CD38: variants seen among roughly 807,000 people sequenced by gnomAD.
The protein encoded by CD38 is CD38 molecule.
Under a neutral mutation model 36.3 loss-of-function variants are expected in CD38, and 31 were observed. The observed-to-expected ratio is 0.85, with a 90% CI of 0.64 to 1.15. The LOEUF is 1.15. Among genes scored for constraint, CD38 ranks in the 50% most tolerant of loss-of-function variants. CD38 has a pLI of 0.00. For missense variants in CD38, 380 were observed against 371.9 expected (o/e 1.02, Z -0.18); for synonymous variants, 131 against 135.2 (o/e 0.97, Z 0.22).
At chr4:15,816,704 G>T (rs776873284) in intron 2 of CD38, 64 bp downstream of exon 2, 3 of 1,547,682 alleles carry the variant, frequency 1.9e-6, no homozygotes, top group Non-Finnish European at 2.7e-6. Context: ...CAATTCATAG[G>T]TCCAAATTTT....
At chr4:15,786,182 T>G (rs769188062) in intron 1 of CD38, among the ~76,000 whole-genome samples, 3 of 152,152 alleles carry the variant, frequency 2.0e-5, no homozygotes, top group African/African-American at 7.2e-5. Context: ...GCTTCCCCAG[T>G]GTAGAAGTGT....
At chr4:15,787,484 A>G (rs1337928081) in intron 1 of CD38, among the ~76,000 whole-genome samples, 1 of 152,184 alleles carries the variant, frequency 6.6e-6, no homozygotes, top group Non-Finnish European at 1.5e-5. Flanking sequence ...GCACAGGGAT[A>G]CTTGCAGGGA....
At chr4:15,841,431 C>T (rs1724203255) in intron 7 of CD38, among the ~76,000 whole-genome samples, 2 of 152,218 alleles carry the variant, frequency 1.3e-5, no homozygotes, top group Admixed American at 1.3e-4. Flanking sequence ...CTGAATTCCC[C>T]ATGAGTCACC....
At chr4:15,785,550 T>TTTTTTA (rs1560305389) in intron 1 of CD38, among the ~76,000 whole-genome samples, 7 of 152,070 alleles carry the variant, frequency 4.6e-5, no homozygotes, top group African/African-American at 1.2e-4. Context: ...TTTTTTTTTT[T>TTTTTTA]ATCACAATAA....
At chr4:15,841,840 C>T (rs1344829250) in intron 7 of CD38, among the ~76,000 whole-genome samples, 4 of 129,998 alleles carry the variant, frequency 3.1e-5, no homozygotes, top group East Asian at 4.3e-4. Context: ...CCGAATATTG[C>T]GCTTTTCAGA....
chr4:15,813,693 G>A (rs891093217), intron 1 of CD38, among the ~76,000 whole-genome samples: 11 of 152,232 alleles, frequency 7.2e-5, no homozygotes, highest in Admixed American at 6.5e-4. Flanking sequence ...GTGAGAAGAC[G>A]TGGTGTCTGG....
intron 1 of CD38, among the ~76,000 whole-genome samples, chr4:15,806,963 G>A (rs1723355521): frequency 6.6e-6 from 1 of 152,142 alleles, no homozygotes; most frequent in African/African-American, 2.4e-5. Context: ...CAGTCCAATT[G>A]TCATAATCCC....
chr4:15,812,938 A>G (rs1238941236), intron 1 of CD38, among the ~76,000 whole-genome samples: 1 of 152,172 alleles, frequency 6.6e-6, no homozygotes, highest in African/African-American at 2.4e-5. Context: ...CATTGATAGT[A>G]TACAATTGAT....
chr4:15,813,860 T>A (rs1243403144), intron 1 of CD38, among the ~76,000 whole-genome samples: 1 of 152,246 alleles, frequency 6.6e-6, no homozygotes, highest in Non-Finnish European at 1.5e-5. Context: ...TATGGGCATT[T>A]GGGTTGGCTC....
At chr4:15,830,658 T>A (rs954858281) in intron 3 of CD38, among the ~76,000 whole-genome samples, 1 of 152,126 alleles carries the variant, frequency 6.6e-6, no homozygotes, top group African/African-American at 2.4e-5. Flanking sequence ...GCTCAATAAT[T>A]TTTTTTGCCC....
chr4:15,851,913 C>G lies in CD38; in HGVS notation c.*3311C>G, dbSNP rs1326523259. On this transcript the variant is annotated 3_prime_UTR_variant, in exon 8 of 8. Coordinates refer to ENST00000226279, the MANE Select transcript of CD38 (RefSeq NM_001775.4). ...GTACAGCGTGTGTCTGTACTAAATGCTGTGGGCAATTTTAACCTGATGGTA... is the reference window on the plus strand; with the variant it reads ...GTACAGCGTGTGTCTGTACTAAATGGTGTGGGCAATTTTAACCTGATGGTA... 1 of 152,174 alleles carries G rather than the reference C, an allele frequency of 6.6e-6. No individual in the cohort carries two copies. The highest frequency in any genetic ancestry group is 1.5e-5 in the Non-Finnish European group (1 of 68,030). The allele number at this position is 152,174 out of a possible 1,614,324, so 9.4% of individuals were successfully genotyped here. A position where few individuals can be genotyped will look rare whatever the true frequency, so the allele number is the denominator to read the frequency against.
At chr4:15,838,780 C>G (rs1385005526) in intron 5 of CD38, among the ~76,000 whole-genome samples, 5 of 152,132 alleles carry the variant, frequency 3.3e-5, no homozygotes, top group African/African-American at 1.2e-4. Flanking sequence ...CCTCTGTGAG[C>G]CCCTGAATAT....
Position 15,821,693 on chromosome 4 carries a change from CCA to C in CD38, c.364-3187_364-3186del, listed in dbSNP as rs148557246. 9.1e-3 allele frequency among the ~76,000 whole-genome samples: 967 copies of C among 106,684 alleles called. 11 individuals are homozygous for C. The highest frequency in any genetic ancestry group is 0.043 in the African/African-American group (912 of 21,112). 70.0% of individuals were successfully genotyped at this position (106,684 alleles called of 152,430 possible). A position where few individuals can be genotyped will look rare whatever the true frequency, so the allele number is the denominator to read the frequency against. ...TAATTGAGGCAGTAATAAATACCAA[CCA>C]AAAAAAAAAAAAAAAAAGCCCAGGA... is the stretch of plus-strand genomic sequence containing the variant. On this transcript the variant is annotated intron_variant, in intron 2 of 7. Coordinates refer to ENST00000226279, the MANE Select transcript of CD38 (RefSeq NM_001775.4).
chr4:15,784,799 T>C (rs1272412385), intron 1 of CD38, among the ~76,000 whole-genome samples: 6 of 152,164 alleles, frequency 3.9e-5, no homozygotes, highest in African/African-American at 1.4e-4. Flanking sequence ...GGCTCACACC[T>C]GTAATCCCAG....
At chr4:15,828,044 T>C (rs1723886246) in intron 3 of CD38, among the ~76,000 whole-genome samples, 1 of 152,242 alleles carries the variant, frequency 6.6e-6, no homozygotes, top group Non-Finnish European at 1.5e-5. Flanking sequence ...AGACAGGGTC[T>C]CACTCTGTCA....
At chr4:15,792,233 C>T (rs1723015028) in intron 1 of CD38, among the ~76,000 whole-genome samples, 2 of 106,846 alleles carry the variant, frequency 1.9e-5, no homozygotes, top group Non-Finnish European at 3.6e-5. Flanking sequence ...GCAGCATGCT[C>T]GTTAAGAGTC....
At chr4:15,830,628 G>T (rs1212354215) in intron 3 of CD38, among the ~76,000 whole-genome samples, 1 of 152,000 alleles carries the variant, frequency 6.6e-6, no homozygotes, top group Non-Finnish European at 1.5e-5. Context: ...TGCTTTCGTT[G>T]CCTGTGCTCA....
Position 15,816,562 on chromosome 4 carries a change from A to G in CD38, c.285A>G (p.Ser95=), listed in dbSNP as rs765653270. The change falls in exon 2 of 8, where the codon TCA becomes TCG. Residue 95 remains serine (S), a synonymous_variant. Transcript: ENST00000226279. ...ATGCTTTCAAGGGTGCATTTATTTC[A>G]AAACATCCTTGCAACATTACTGAAG... The part of the protein sequence containing the change: ...VWDAFKGAFI[S]KHPCNITEED... 19 of 1,613,808 alleles carry G rather than the reference A, an allele frequency of 1.2e-5. No homozygotes were observed. The highest frequency in any genetic ancestry group is 1.5e-5 in the Non-Finnish European group (18 of 1,179,810).
chr4:15,840,804 C>T (rs1009980643), intron 7 of CD38, among the ~76,000 whole-genome samples: 6 of 152,154 alleles, frequency 3.9e-5, no homozygotes, highest in African/African-American at 1.4e-4. Flanking sequence ...CTGACACAAC[C>T]TTTGATGGCA....
Sources: allele counts gnomAD v4.1 joint callset (sites outside exome capture counted in the v4.1 genomes callset), GRCh38; gene constraint gnomAD v4.1.1; transcripts MANE v1.5; gene names NCBI Gene and HGNC (gene_info 2026-07-23, HGNC 2026-07-21).